MFSD12: variants seen among roughly 807,000 people sequenced by gnomAD.
MFSD12 encodes major facilitator superfamily domain-containing protein 12.
MFSD12 carries 67 observed loss-of-function variants against 51.2 expected under a neutral mutation model. That is an observed-to-expected ratio of 1.31 (90% CI 1.08 to 1.60). The LOEUF (loss-of-function observed/expected upper bound fraction) is 1.60. MFSD12 is among the 40% of genes most tolerant of loss of function. The pLI is 0.00. For synonymous variants in MFSD12, 441 were observed against 316.7 expected, an observed-to-expected ratio of 1.39 and a Z score of -4.17; for missense variants, 921 against 673.0, an observed-to-expected ratio of 1.37 and a Z score of -4.08.
In MFSD12 at chr19:3,544,212, T is replaced by C. The variant is rs2030734123; in HGVS notation, c.*498A>G. The C allele has an allele frequency of 1.0e-5, 14 of 1,349,288 alleles. No individual in the cohort carries two copies. Among genetic ancestry groups the C allele is most frequent in the South Asian group, 4.0e-5 (2 of 50,600 alleles). The allele number at this position is 1,349,288 out of a possible 1,614,324, so 83.6% of individuals were successfully genotyped here. ...CAGGAGCCAGGCTGCCGTCATCTCT[T>C]TATTTGCTGCCAGCAGAGTCCACCA... On this transcript the variant is annotated 3_prime_UTR_variant, in exon 10 of 10. Transcript: ENST00000355415.
chr19:3,546,416 A>C lies in MFSD12; in HGVS notation c.1033T>G (p.Phe345Val). The C allele has an allele frequency of 6.2e-7, 1 of 1,605,846 alleles. No individual in the cohort carries two copies. The highest frequency in any genetic ancestry group is 1.1e-5 in the South Asian group (1 of 89,890). ...NKCIGRNMTY[F>V]SGLLVILAFA... ...GCCAGGATCACCAGGAGGCCTGAGA[A>C]GTAGGTCATCTGCAGGGACAGCCCC... The change falls in exon 7 of 10, where the codon TTC (phenylalanine) becomes GTC (valine). Residue 345 changes from phenylalanine to valine, a missense_variant. Transcript: ENST00000355415.
rs1489194750 is a variant in MFSD12 at position 3,557,392 on chromosome 19, T to C, written c.12A>G (p.Gly4=). The change falls in exon 1 of 10, where the codon GGA becomes GGG. Residue 4 remains glycine (G), a synonymous_variant. Transcript: ENST00000355415. The part of the protein sequence containing the change: MGP[G]PPAAGAAPSP... Reference sequence around the variant, plus strand: ...ACGGCGCCGCTCCGGCCGCTGGGGGTCCCGGGCCCATCGCGGCGCCGGGCC... The same window carrying C: ...ACGGCGCCGCTCCGGCCGCTGGGGGCCCCGGGCCCATCGCGGCGCCGGGCC... The C allele has an allele frequency of 4.0e-6, 5 of 1,246,920 alleles. No individual in the cohort carries two copies. 77.2% of individuals were successfully genotyped at this position (1,246,920 alleles called of 1,614,324 possible).
chr19:3,554,453 A>C (rs532419899), intron 1 of MFSD12, among the ~76,000 whole-genome samples: 1 of 138,780 alleles, frequency 7.2e-6, no homozygotes, highest in African/African-American at 2.6e-5. Context: ...AACAAAACAA[A>C]AAAAAAAAAA....
At chr19:3,540,507 T>C (rs568805462), downstream of MFSD12, among the ~76,000 whole-genome samples, 483 of 151,078 alleles carry the variant, frequency 3.2e-3, no homozygotes, top group Non-Finnish European at 4.5e-3. Flanking sequence ...CTGCCCTCCT[T>C]GGCCTCCCAA....
In MFSD12 at chr19:3,548,680, G is replaced by A. The variant is rs565406926; in HGVS notation, c.510-413C>T. On this transcript the variant is annotated intron_variant, in intron 2 of 9. Transcript: ENST00000355415. ...CCTGCCCACAGCCCGGCCAGGCACA[G>A]AGTCCCCCGGGGGGCCTCAGAATCC... 4.8e-5 allele frequency among the ~76,000 whole-genome samples: 7 copies of A among 146,758 alleles called. No homozygotes were observed. In the South Asian group the frequency reaches 1.5e-3, roughly 32 times the overall value.
chr19:3,546,575 C>A (rs546271869), intron 6 of MFSD12, 150 bp from the exon 7 acceptor site: 1 of 924,416 alleles, frequency 1.1e-6, no homozygotes. Flanking sequence ...GACACAACAC[C>A]GAGGCTCTGC....
At chr19:3,541,744 G>GT, downstream of MFSD12, 1 of 985,394 alleles carries the variant, frequency 1.0e-6, no homozygotes, top group Non-Finnish European at 1.2e-6. Context: ...AAAGTAGTGA[G>GT]TGGCAGGTGG....
At chr19:3,540,096 T>TG, downstream of MFSD12, 2 of 144,674 alleles carry the variant, frequency 1.4e-5, no homozygotes, top group Admixed American at 1.4e-4. Context: ...TTTCTTTTTT[T>TG]TTTTTTTTTT....
chr19:3,545,776 C>T (rs534641768), intron 8 of MFSD12, among the ~76,000 whole-genome samples: 2 of 152,366 alleles, frequency 1.3e-5, no homozygotes, highest in South Asian at 4.1e-4. Flanking sequence ...TGTCTGAACC[C>T]TGAGTTCTGT....
intron 4 of MFSD12, chr19:3,538,858 G>A (rs1218200998): frequency 8.6e-6 from 5 of 582,594 alleles, no homozygotes; most frequent in Non-Finnish European, 1.3e-5. Context: ...TCCTGCGATC[G>A]AAGGGGCAGG....
downstream of MFSD12, among the ~76,000 whole-genome samples, chr19:3,541,168 C>CAA (rs1207941689): frequency 8.7e-3 from 760 of 87,086 alleles, 14 homozygotes; most frequent in African/African-American, 0.024. Flanking sequence ...GACTCTGTCT[C>CAA]AAAAAAAAAA....
chr19:3,548,395 C>G (rs550969533), intron 2 of MFSD12, 128 bp from the exon 3 acceptor site: 127 of 1,276,800 alleles, frequency 9.9e-5, no homozygotes, highest in Non-Finnish European at 1.2e-4. Context: ...CACTGCCACA[C>G]TGGGTGGCCT....
chr19:3,540,695 C>T (rs540615531), downstream of MFSD12, among the ~76,000 whole-genome samples: 7 of 148,948 alleles, frequency 4.7e-5, no homozygotes, highest in African/African-American at 1.7e-4. Context: ...GCCTGACCAA[C>T]ATGGTGAAAC....
rs773997537 is a variant in MFSD12 at position 3,548,138 on chromosome 19, G to A, written c.639C>T (p.Asp213=). 2.6e-5 allele frequency: 41 copies of A among 1,607,232 alleles called. No homozygotes were observed. The highest frequency in any genetic ancestry group is 8.8e-5 in the South Asian group (8 of 90,844). ...TCCAGCTCACCCGGAACACGGGCAC[G>A]TCCTGGCCCCCCAGCTGGTCGCTGA... ...ISISDQLGGQ[D]VPVFRNLSLL... Residue 213 remains aspartate, a synonymous_variant, in exon 3 of 10, where the codon GAC becomes GAT. Transcript: ENST00000355415.
downstream of MFSD12, chr19:3,543,540 C>T: frequency 6.5e-7 from 1 of 1,526,914 alleles, no homozygotes; most frequent in South Asian, 1.2e-5. Flanking sequence ...ACCGCCAGCC[C>T]CCGCCCCACC....
downstream of MFSD12, chr19:3,542,668 A>G: frequency 8.6e-7 from 1 of 1,161,066 alleles, no homozygotes; most frequent in South Asian, 1.5e-5. Flanking sequence ...TTTTTAGTAG[A>G]GATGGGGTTT....
At chr19:3,547,667 G>T in intron 4 of MFSD12, 120 bp from the exon 5 acceptor site, 2 of 1,175,284 alleles carry the variant, frequency 1.7e-6, no homozygotes, top group Non-Finnish European at 2.4e-6. Flanking sequence ...CATTGGTAGT[G>T]ACTGCCCAGT....
At position 3,551,444 on chromosome 19, in the gene MFSD12, G is replaced by T. The variant is rs1446523385; in HGVS notation, c.299-250C>A. On this transcript the variant is annotated intron_variant, in intron 1 of 9. Transcript: ENST00000355415. The surrounding 1 kb of genome is among the most constrained non-coding windows in gnomAD (Gnocchi z 4.6). ...AGTCAGAAGAAGCCAGGCGCAGGGG[G>T]TCCCCCGGAAACCTGCCCCCCACAG... 6.6e-6 allele frequency among the ~76,000 whole-genome samples: 1 copy of T among 152,170 alleles called. No homozygotes were observed.
chr19:3,553,459 C>A (rs1163087776), intron 1 of MFSD12, among the ~76,000 whole-genome samples: 4 of 121,102 alleles, frequency 3.3e-5, no homozygotes, highest in Non-Finnish European at 6.7e-5. Context: ...GGCGACAGAG[C>A]GAGACCCTGT....
Sources: gnomAD v4.1 joint callset for allele counts (sites outside exome capture counted in the v4.1 genomes callset) on GRCh38, gnomAD v4.1.1 for gene constraint, Gnocchi (gnomAD v3.1) non-coding constraint, MANE v1.5 for transcripts, NCBI Gene and HGNC (gene_info 2026-07-23, HGNC 2026-07-21) for gene names.